KCNQ1: variants seen among roughly 807,000 people sequenced by gnomAD.
KCNQ1 encodes the protein potassium voltage-gated channel subfamily Q member 1.
A neutral mutation model predicts 72.4 loss-of-function variants in KCNQ1; 49 were observed. The observed-to-expected ratio is 0.68, with a 90% CI of 0.54 to 0.86. The LOEUF (loss-of-function observed/expected upper bound fraction) is 0.86, where lower values mean the gene tolerates loss of function less well. Ranked by LOEUF, KCNQ1 falls within the 40% of genes least tolerant of loss-of-function variation. The pLI is 0.00. For missense variants in KCNQ1, 790 were observed against 945.1 expected, an observed-to-expected ratio of 0.84 and a Z score of 2.15; for synonymous variants, 450 against 412.6, an observed-to-expected ratio of 1.09 and a Z score of -1.10.
At chr11:2,839,829 G>GCTC (rs1443693690) in intron 15 of KCNQ1, 4 of 152,088 alleles carry the variant, frequency 2.6e-5, no homozygotes, top group Non-Finnish European at 5.9e-5. Context: ...GTGGGTTCCA[G>GCTC]CTCCCGTCGC....
intron 1 of KCNQ1, among the ~76,000 whole-genome samples, chr11:2,496,988 T>C (rs532374535): frequency 3.9e-5 from 6 of 152,318 alleles, no homozygotes; most frequent in Non-Finnish European, 8.8e-5. Context: ...TGTTGAATAT[T>C]GGCTCCCACT....
chr11:2,768,677 G>C lies in KCNQ1; in HGVS notation c.1515-167G>C, dbSNP rs931575900. Among the ~76,000 whole-genome samples, 3 of 151,832 alleles carry C rather than the reference G, an allele frequency of 2.0e-5. No individual in the cohort carries two copies. Among genetic ancestry groups the C allele is most frequent in the African/African-American group, 7.3e-5 (3 of 41,310 alleles). On this transcript the variant is annotated intron_variant, in intron 11 of 15. Coordinates refer to ENST00000155840, the MANE Select transcript of KCNQ1 (RefSeq NM_000218.3). The surrounding 1 kb of genome is among the most constrained non-coding windows in gnomAD (Gnocchi z 6.7). ...AGCCTCTTGCCCCCAGCCTCCCCTC[G>C]AGCCCACACTGGGACATGGCCTAAG...
chr11:2,640,550 C>T (rs2133828746), intron 10 of KCNQ1: 1 of 370,096 alleles, frequency 2.7e-6, no homozygotes, highest in East Asian at 3.7e-5. Context: ...CCCCCCAAAG[C>T]ACTGGGATTT....
At chr11:2,561,917 T>C (rs1848173783) in intron 2 of KCNQ1, among the ~76,000 whole-genome samples, 3 of 151,878 alleles carry the variant, frequency 2.0e-5, no homozygotes, top group South Asian at 2.1e-4. Flanking sequence ...GGTCACGGGC[T>C]GCACGTTCCA....
chr11:2,455,100 C>CT (rs34930428), intron 1 of KCNQ1, among the ~76,000 whole-genome samples: 612 of 142,288 alleles, frequency 4.3e-3, no homozygotes, highest in Middle Eastern at 0.015. Flanking sequence ...AAATCAGCAG[C>CT]TTTTTTTTTT....
At chr11:2,798,553 A>G (rs1405934687) in intron 15 of KCNQ1, among the ~76,000 whole-genome samples, 1 of 151,942 alleles carries the variant, frequency 6.6e-6, no homozygotes, top group African/African-American at 2.4e-5. Flanking sequence ...TTCCCTGAAA[A>G]AAAAAAAAAA....
At chr11:2,485,487 A>G (rs1199694146) in intron 1 of KCNQ1, among the ~76,000 whole-genome samples, 1 of 152,078 alleles carries the variant, frequency 6.6e-6, no homozygotes, top group African/African-American at 2.4e-5. Flanking sequence ...ACAAAAAGGG[A>G]AGCACACTAT....
Position 2,690,874 on chromosome 11 carries a change from G to A in KCNQ1, c.1514+28793G>A, listed in dbSNP as rs775495913. ...CAGGTACCTTTAGGGACACAGGAGT[G>A]TAAGCCACTGTTTCCGTCTGGGTTT... On this transcript the variant is annotated intron_variant, in intron 11 of 15. Coordinates refer to ENST00000155840, the MANE Select transcript of KCNQ1 (RefSeq NM_000218.3). This position sits in a 1 kb window ranked among gnomAD's most constrained non-coding sequence, Gnocchi z 5.1. 4 of 398,506 alleles carry A rather than the reference G, an allele frequency of 1.0e-5. No homozygotes were observed. Among genetic ancestry groups the A allele is most frequent in the Non-Finnish European group, 1.3e-5 (3 of 226,072 alleles). The allele number at this position is 398,506 out of a possible 1,614,324, so 24.7% of individuals were successfully genotyped here.
At chr11:2,716,001 C>T (rs1228828710) in intron 11 of KCNQ1, among the ~76,000 whole-genome samples, 5 of 152,152 alleles carry the variant, frequency 3.3e-5, no homozygotes, top group Non-Finnish European at 5.9e-5. Flanking sequence ...AGGAATGGCC[C>T]TGGGAGAGGC....
chr11:2,633,509 G>A, intron 10 of KCNQ1: 1 of 398,502 alleles, frequency 2.5e-6, no homozygotes, highest in Non-Finnish European at 4.4e-6. Flanking sequence ...CAGGTCTCAT[G>A]TTTAAGTCTC....
At position 2,690,082 on chromosome 11, in the gene KCNQ1, A is replaced by G; in HGVS notation, c.1514+28001A>G. ...GCCTGCTTCTGTCTGGGCTGAAGGCACAGCAGGGACAATCGCTCTTCCGGG... is the reference window on the plus strand; with the variant it reads ...GCCTGCTTCTGTCTGGGCTGAAGGCGCAGCAGGGACAATCGCTCTTCCGGG... On this transcript the variant is annotated intron_variant, in intron 11 of 15. Coordinates refer to ENST00000155840, the MANE Select transcript of KCNQ1 (RefSeq NM_000218.3). The surrounding 1 kb of genome is among the most constrained non-coding windows in gnomAD (Gnocchi z 5.1). 2.5e-6 allele frequency: 1 copy of G among 398,832 alleles called. No individual in the cohort carries two copies. Among genetic ancestry groups the G allele is most frequent in the East Asian group, 3.6e-5 (1 of 28,076 alleles). The allele number at this position is 398,832 out of a possible 1,614,324, so 24.7% of individuals were successfully genotyped here. A position where few individuals can be genotyped will look rare whatever the true frequency, so the allele number is the denominator to read the frequency against.
chr11:2,757,703 A>G lies in KCNQ1; in HGVS notation c.1515-11141A>G, dbSNP rs117486649. Among the ~76,000 whole-genome samples, 512 of 152,358 alleles carry G rather than the reference A, an allele frequency of 3.4e-3. 3 individuals are homozygous for G. Among genetic ancestry groups the G allele is most frequent in the Non-Finnish European group, 5.7e-3 (386 of 68,028 alleles). On this transcript the variant is annotated intron_variant, in intron 11 of 15. Transcript: ENST00000155840. ...AGGAATCAATATGATTTGATATTGGAGGAATAAGCATGTAGCTCAACAGAA... is the reference window on the plus strand; with the variant it reads ...AGGAATCAATATGATTTGATATTGGGGGAATAAGCATGTAGCTCAACAGAA...
chr11:2,792,369 A>T (rs1369015289), intron 15 of KCNQ1, among the ~76,000 whole-genome samples: 4 of 152,174 alleles, frequency 2.6e-5, no homozygotes, highest in African/African-American at 9.7e-5. Context: ...GTGTGCCCAC[A>T]AGTCCAGCAC....
rs938765796 is a variant in KCNQ1, at chr11:2,720,811, T to G, written c.1515-48033T>G. Among the ~76,000 whole-genome samples the G allele has an allele frequency of 2.6e-5, 4 of 152,112 alleles. No homozygotes were observed. Among genetic ancestry groups the G allele is most frequent in the African/African-American group, 9.7e-5 (4 of 41,408 alleles). ...CCCTTGGATCATTTGGGGCAAATGG[T>G]CCTCGTTTTCTTCATTATATGGTGT... On this transcript the variant is annotated intron_variant, in intron 11 of 15. Coordinates refer to ENST00000155840, the MANE Select transcript of KCNQ1 (RefSeq NM_000218.3). This position sits in a 1 kb window ranked among gnomAD's most constrained non-coding sequence, Gnocchi z 5.1.
chr11:2,547,341 G>A lies in KCNQ1; in HGVS notation c.477+19323G>A, dbSNP rs967895106. On this transcript the variant is annotated intron_variant, in intron 2 of 15. Transcript: ENST00000155840. This position sits in a 1 kb window ranked among gnomAD's most constrained non-coding sequence, Gnocchi z 4.2. ...ATCTCCCAGGGTTTAAGTGATTTTCGTGCCTCAGCCTCCCAAGTAGCTGGG... is the reference window on the plus strand; with the variant it reads ...ATCTCCCAGGGTTTAAGTGATTTTCATGCCTCAGCCTCCCAAGTAGCTGGG... Among the ~76,000 whole-genome samples, 6 of 152,140 alleles carry A rather than the reference G, an allele frequency of 3.9e-5. No homozygotes were observed. The highest frequency in any genetic ancestry group is 3.9e-4 in the East Asian group (2 of 5,180).
Position 2,735,612 on chromosome 11 carries a change from A to G in KCNQ1, c.1515-33232A>G, listed in dbSNP as rs1471094805. Reference sequence around the variant, plus strand: ...GAGGAGCACTTGGAGGAGCTGGGGGATGACATGAGTCCACTCCGCTGTCAC... The same window carrying G: ...GAGGAGCACTTGGAGGAGCTGGGGGGTGACATGAGTCCACTCCGCTGTCAC... On this transcript the variant is annotated intron_variant, in intron 11 of 15. Transcript: ENST00000155840. This position sits in a 1 kb window ranked among gnomAD's most constrained non-coding sequence, Gnocchi z 7.7. Among the ~76,000 whole-genome samples the G allele has an allele frequency of 6.6e-6, 1 of 151,772 alleles. No homozygotes were observed. Among genetic ancestry groups the G allele is most frequent in the Non-Finnish European group, 1.5e-5 (1 of 67,954 alleles).
Position 2,830,561 on chromosome 11 carries a change from G to A in KCNQ1, c.1795-17206G>A, listed in dbSNP as rs754719376. ...CGGGAGCAGGAAGGGCGGGCTGGGAGCTGCAGGATGGGGCCTGAATCTCTC... is the reference window on the plus strand; with the variant it reads ...CGGGAGCAGGAAGGGCGGGCTGGGAACTGCAGGATGGGGCCTGAATCTCTC... On this transcript the variant is annotated intron_variant, in intron 15 of 15. Transcript: ENST00000155840. This position sits in a 1 kb window ranked among gnomAD's most constrained non-coding sequence, Gnocchi z 7.7. Among the ~76,000 whole-genome samples, 1 of 152,182 alleles carries A rather than the reference G, an allele frequency of 6.6e-6. No individual in the cohort carries two copies.
intron 10 of KCNQ1, chr11:2,649,294 T>G (rs1285005747): frequency 1.0e-5 from 4 of 398,414 alleles, no homozygotes; most frequent in Non-Finnish European, 1.8e-5. Context: ...TTCCTCTCAT[T>G]GTTTTTCTTT....
Position 2,498,131 on chromosome 11 carries a change from G to C in KCNQ1, c.387-29797G>C, listed in dbSNP as rs1022140478. Among the ~76,000 whole-genome samples, 4 of 152,304 alleles carry C rather than the reference G, an allele frequency of 2.6e-5. No individual in the cohort carries two copies. The highest frequency in any genetic ancestry group is 1.3e-4 in the Admixed American group (2 of 15,304). Reference sequence around the variant, plus strand: ...TGACCCCTGTTGGGAGGTCTTGCCTGCTCAGGAGGCATGGGGCTCAGGGAC... The same window carrying C: ...TGACCCCTGTTGGGAGGTCTTGCCTCCTCAGGAGGCATGGGGCTCAGGGAC... On this transcript the variant is annotated intron_variant, in intron 1 of 15. Coordinates refer to ENST00000155840, the MANE Select transcript of KCNQ1 (RefSeq NM_000218.3). The surrounding 1 kb of genome is among the most constrained non-coding windows in gnomAD (Gnocchi z 4.8).
Sources: gnomAD v4.1 joint callset for allele counts (sites outside exome capture counted in the v4.1 genomes callset) on GRCh38, gnomAD v4.1.1 for gene constraint, Gnocchi (gnomAD v3.1) non-coding constraint, MANE v1.5 for transcripts, NCBI Gene and HGNC (gene_info 2026-07-23, HGNC 2026-07-21) for gene names.